Variants in CNOT10 observed in about 807,000 individuals in gnomAD.
CNOT10 encodes CCR4-NOT transcription complex subunit 10.
In CNOT10, 30 loss-of-function variants were observed where a neutral mutation model predicts 94.6. That is an observed-to-expected ratio of 0.32 (90% confidence interval 0.24 to 0.43). CNOT10 has a LOEUF of 0.43. CNOT10 is among the 20% of genes least tolerant of loss of function. The pLI is 1.00. For missense variants in CNOT10, 759 were observed against 877.2 expected (o/e 0.87, Z 1.70); for synonymous variants, 289 against 301.6 (o/e 0.96, Z 0.43).
chr3:32,687,930 T>C (rs987123825), intron 1 of CNOT10, among the ~76,000 whole-genome samples: 1 of 152,218 alleles, frequency 6.6e-6, no homozygotes, highest in Non-Finnish European at 1.5e-5. Context: ...TCATTCAGTC[T>C]ATCTTACATG....
intron 8 of CNOT10, among the ~76,000 whole-genome samples, chr3:32,722,772 T>C (rs2125554744): frequency 6.6e-6 from 1 of 151,658 alleles, no homozygotes; most frequent in South Asian, 2.1e-4. Context: ...TCACTTGAGG[T>C]CAGGAGTTCA....
At chr3:32,753,352 G>T (rs558893848) in intron 13 of CNOT10, 8 of 1,253,258 alleles carry the variant, frequency 6.4e-6, no homozygotes, top group Non-Finnish European at 9.4e-6. Context: ...AAACAGAATC[G>T]CAAGTAGTCA....
intron 4 of CNOT10, among the ~76,000 whole-genome samples, chr3:32,710,402 A>G (rs1697831741): frequency 6.6e-6 from 1 of 151,912 alleles, no homozygotes; most frequent in African/African-American, 2.4e-5. Context: ...CTCTGCCCCA[A>G]CACATCCATA....
intron 3 of CNOT10, among the ~76,000 whole-genome samples, chr3:32,705,365 T>C (rs1697569836): frequency 6.6e-6 from 1 of 152,220 alleles, no homozygotes; most frequent in Non-Finnish European, 1.5e-5. Context: ...GATATTCTGC[T>C]TTGTATCTGG....
chr3:32,744,309 A>G (rs140048314), intron 13 of CNOT10, among the ~76,000 whole-genome samples: 114 of 152,318 alleles, frequency 7.5e-4, no homozygotes, highest in African/African-American at 2.6e-3. Context: ...TTTATGGACT[A>G]TCATATTTGA....
chr3:32,689,944 C>T (rs777853269), intron 1 of CNOT10, among the ~76,000 whole-genome samples: 2 of 152,092 alleles, frequency 1.3e-5, no homozygotes, highest in African/African-American at 2.4e-5. Flanking sequence ...GACAGTGCGA[C>T]CCTGTCTCAA....
chr3:32,703,509 C>G (rs1473089615), intron 1 of CNOT10, among the ~76,000 whole-genome samples: 2 of 152,110 alleles, frequency 1.3e-5, no homozygotes, highest in Admixed American at 1.3e-4. Flanking sequence ...GTTTCTCTTT[C>G]TCAAAATATC....
At chr3:32,749,591 G>A (rs754399912) in intron 13 of CNOT10, among the ~76,000 whole-genome samples, 1 of 151,704 alleles carries the variant, frequency 6.6e-6, no homozygotes, top group Non-Finnish European at 1.5e-5. Context: ...TGTATTTTTA[G>A]TAGAGACAGG....
chr3:32,753,963 G>C, intron 13 of CNOT10: 1 of 818,592 alleles, frequency 1.2e-6, no homozygotes, highest in Non-Finnish European at 1.9e-6. Context: ...TGGGCATGGA[G>C]GTGCATGCTT....
intron 13 of CNOT10, among the ~76,000 whole-genome samples, chr3:32,756,208 C>T (rs953052023): frequency 1.8e-4 from 27 of 152,192 alleles, no homozygotes; most frequent in African/African-American, 6.3e-4. Flanking sequence ...GTTTGAGTTT[C>T]GGGCAATGAA....
intron 12 of CNOT10, 64 bp downstream of exon 12, chr3:32,735,040 G>A: frequency 7.5e-7 from 1 of 1,338,796 alleles, no homozygotes; most frequent in Non-Finnish European, 1.0e-6. Context: ...TAAACCCTTT[G>A]TTCTTTAAGT....
intron 15 of CNOT10, among the ~76,000 whole-genome samples, chr3:32,763,835 GA>G (rs1700549877): frequency 6.6e-6 from 1 of 151,686 alleles, no homozygotes; most frequent in Non-Finnish European, 1.5e-5. Context: ...TAGGTTTTTA[GA>G]AAATATGCTC....
chr3:32,685,939 CT>C (rs113916685), intron 1 of CNOT10, among the ~76,000 whole-genome samples: 2 of 150,014 alleles, frequency 1.3e-5, no homozygotes, highest in Admixed American at 6.7e-5. Context: ...GTAAAAACCA[CT>C]TTTTTTTTTC....
chr3:32,763,902 G>A (rs1382132731), intron 15 of CNOT10, among the ~76,000 whole-genome samples: 1 of 151,676 alleles, frequency 6.6e-6, no homozygotes, highest in Non-Finnish European at 1.5e-5. Context: ...AGGCTGTGGT[G>A]GGTGGATCAC....
chr3:32,752,641 TA>T (rs1700014063), intron 13 of CNOT10, among the ~76,000 whole-genome samples: 1 of 152,140 alleles, frequency 6.6e-6, no homozygotes, highest in Non-Finnish European at 1.5e-5. Context: ...TTACAGAAGA[TA>T]AAATTAAAAA....
At chr3:32,720,450 T>C (rs1359466641) in intron 8 of CNOT10, among the ~76,000 whole-genome samples, 1 of 152,108 alleles carries the variant, frequency 6.6e-6, no homozygotes, top group Non-Finnish European at 1.5e-5. Context: ...TTCTTTTTTT[T>C]ACTTTTCCAG....
intron 13 of CNOT10, among the ~76,000 whole-genome samples, chr3:32,742,363 T>C (rs71325111): frequency 0.027 from 4,175 of 152,106 alleles, 82 homozygotes; most frequent in Non-Finnish European, 0.041. Context: ...TATAGCTTTT[T>C]GTTTTGTTTT....
intron 13 of CNOT10, 108 bp downstream of exon 13, chr3:32,737,598 G>C (rs993156965): frequency 1.6e-6 from 1 of 628,396 alleles, no homozygotes; most frequent in East Asian, 3.2e-5. Context: ...GCCGAGGCTG[G>C]TGGATCACTA....
At chr3:32,741,783 A>AC (rs1255945847) in intron 13 of CNOT10, among the ~76,000 whole-genome samples, 3 of 151,102 alleles carry the variant, frequency 2.0e-5, no homozygotes, top group African/African-American at 7.3e-5. Context: ...AAAAAAAAAA[A>AC]CAGAAGAAAA....
Sources: gnomAD v4.1 joint callset for allele counts (sites outside exome capture counted in the v4.1 genomes callset) on GRCh38, gnomAD v4.1.1 for gene constraint, MANE v1.5 for transcripts, NCBI Gene and HGNC (gene_info 2026-07-23, HGNC 2026-07-21) for gene names.